The following ULK4 variants were observed in gnomAD, a reference collection of about 807,000 sequenced individuals.
ULK4 encodes the protein inactive serine/threonine-protein kinase ULK4.
ULK4 carries 133 observed loss-of-function variants against 160.6 expected under a neutral mutation model. The observed-to-expected ratio is 0.83, with a 90% CI of 0.72 to 0.96. The LOEUF (loss-of-function observed/expected upper bound fraction) is 0.96. ULK4 is among the 40% of genes least tolerant of loss of function. ULK4 has a pLI of 0.00. For synonymous variants in ULK4, 534 were observed against 539.8 expected (o/e 0.99, Z 0.15); for missense variants, 1,580 against 1,499.5 (o/e 1.05, Z -0.89).
At chr3:41,830,591 A>G (rs1335302321) in intron 18 of ULK4, among the ~76,000 whole-genome samples, 1 of 152,092 alleles carries the variant, frequency 6.6e-6, no homozygotes, top group Non-Finnish European at 1.5e-5. Flanking sequence ...TCTACCAATT[A>G]TATCTCAAGC....
At chr3:41,796,169 C>A (rs891229020) in intron 20 of ULK4, among the ~76,000 whole-genome samples, 1 of 151,912 alleles carries the variant, frequency 6.6e-6, no homozygotes, top group Non-Finnish European at 1.5e-5. Context: ...AGGCCTCCAG[C>A]GGGGAGTGAA....
chr3:41,354,592 A>G (rs1018828842), intron 35 of ULK4, among the ~76,000 whole-genome samples: 3 of 152,132 alleles, frequency 2.0e-5, no homozygotes, highest in Non-Finnish European at 2.9e-5. Flanking sequence ...AGGTAAGGAC[A>G]CAGTAGAGAA....
intron 35 of ULK4, among the ~76,000 whole-genome samples, chr3:41,364,958 A>C (rs2081226967): frequency 6.6e-6 from 1 of 152,210 alleles, no homozygotes; most frequent in Non-Finnish European, 1.5e-5. Context: ...TTCTGCAGGC[A>C]AGGGGTGGGG....
At chr3:41,577,952 C>T (rs1002761040) in intron 31 of ULK4, among the ~76,000 whole-genome samples, 4 of 152,208 alleles carry the variant, frequency 2.6e-5, no homozygotes, top group African/African-American at 2.4e-5. Context: ...CCTGGAGCTG[C>T]ACATTTGGTT....
intron 17 of ULK4, among the ~76,000 whole-genome samples, chr3:41,868,501 G>A (rs910887779): frequency 1.3e-5 from 2 of 151,752 alleles, no homozygotes; most frequent in African/African-American, 4.8e-5. Flanking sequence ...TTTTGTTTTT[G>A]TTTTGAGACG....
chr3:41,291,082 T>A (rs2079551921), intron 35 of ULK4, among the ~76,000 whole-genome samples: 1 of 152,112 alleles, frequency 6.6e-6, no homozygotes, highest in Non-Finnish European at 1.5e-5. Context: ...TGGTTCGCGG[T>A]GATCCTTGCA....
intron 30 of ULK4, among the ~76,000 whole-genome samples, chr3:41,633,941 T>A (rs2033849976): frequency 6.6e-6 from 1 of 152,176 alleles, no homozygotes; most frequent in African/African-American, 2.4e-5. Context: ...ACCTCTCACT[T>A]GATCCTTATT....
At chr3:41,583,655 C>G (rs1470431654) in intron 31 of ULK4, among the ~76,000 whole-genome samples, 1 of 152,178 alleles carries the variant, frequency 6.6e-6, no homozygotes, top group Non-Finnish European at 1.5e-5. Context: ...TCCCAGTCAC[C>G]TCACCTCCTC....
chr3:41,765,669 T>C (rs994761982), intron 21 of ULK4, among the ~76,000 whole-genome samples: 3 of 152,178 alleles, frequency 2.0e-5, no homozygotes, highest in Non-Finnish European at 4.4e-5. Flanking sequence ...TTAAATGATA[T>C]CCTTACTTTA....
chr3:41,861,117 T>C (rs1261229662), intron 17 of ULK4, among the ~76,000 whole-genome samples: 2 of 146,176 alleles, frequency 1.4e-5, no homozygotes, highest in African/African-American at 2.6e-5. Flanking sequence ...TCTTGAAAAA[T>C]TGATACAGTT....
At chr3:41,860,783 G>A (rs546063009) in intron 17 of ULK4, among the ~76,000 whole-genome samples, 1 of 149,356 alleles carries the variant, frequency 6.7e-6, no homozygotes, top group Non-Finnish European at 1.5e-5. Flanking sequence ...GTTGTTTTGT[G>A]ATCTTCTCTT....
chr3:41,761,895 G>A (rs1333033599), intron 21 of ULK4, among the ~76,000 whole-genome samples: 3 of 151,928 alleles, frequency 2.0e-5, no homozygotes, highest in Admixed American at 2.0e-4. Context: ...GGGCAACACA[G>A]CAAGACCTCT....
chr3:41,825,069 T>A (rs2041296151), intron 18 of ULK4, among the ~76,000 whole-genome samples: 1 of 152,172 alleles, frequency 6.6e-6, no homozygotes, highest in African/African-American at 2.4e-5. Context: ...GGAGTGGACC[T>A]CCAGCAAACT....
At chr3:41,462,643 A>G (rs2291757) in intron 33 of ULK4, among the ~76,000 whole-genome samples, 80,454 of 152,052 alleles carry the variant, frequency 0.53, 21,396 homozygotes, top group East Asian at 0.67. Context: ...TATGAGTTAC[A>G]TAGGTATGTA....
intron 1 of ULK4, among the ~76,000 whole-genome samples, chr3:41,955,063 G>C (rs1359055406): frequency 6.6e-6 from 1 of 152,224 alleles, no homozygotes; most frequent in African/African-American, 2.4e-5. Context: ...GGCCGAGGCA[G>C]GGGGATCACC....
intron 18 of ULK4, among the ~76,000 whole-genome samples, chr3:41,833,215 G>A (rs1384595693): frequency 2.0e-5 from 3 of 150,668 alleles, no homozygotes; most frequent in Admixed American, 6.6e-5. Context: ...CTTGAGCAAT[G>A]GTTTGTAATT....
rs1242925553 is a variant in ULK4 at position 41,284,447 on chromosome 3, TAC to T, written c.3679-34875_3679-34874del. ...AAACCCAGAAAAAAACCCAATTACT[TAC>T]AGTCAACTGATCTTCAACAAAGCAA... is the stretch of plus-strand genomic sequence containing the variant. On this transcript the variant is annotated intron_variant, in intron 35 of 36. Coordinates refer to ENST00000301831, the MANE Select transcript of ULK4 (RefSeq NM_017886.4). Among the ~76,000 whole-genome samples, 6 of 152,084 alleles carry T rather than the reference TAC, an allele frequency of 3.9e-5. No homozygotes were observed. The East Asian group carries it at 1.2e-3, about 29-fold the overall frequency.
At chr3:41,954,173 T>C (rs1438908243) in intron 2 of ULK4, among the ~76,000 whole-genome samples, 5 of 59,506 alleles carry the variant, frequency 8.4e-5, no homozygotes, top group Admixed American at 2.3e-4. Flanking sequence ...TGAGACTCCG[T>C]CTTAAAAAAA....
At chr3:41,808,983 T>A (rs1378090443) in intron 19 of ULK4, among the ~76,000 whole-genome samples, 1 of 152,006 alleles carries the variant, frequency 6.6e-6, no homozygotes, top group Non-Finnish European at 1.5e-5. Context: ...CTGACCAACA[T>A]GGTGAAACCC....
Sources: allele counts gnomAD v4.1 joint callset (sites outside exome capture counted in the v4.1 genomes callset), GRCh38; gene constraint gnomAD v4.1.1; transcripts MANE v1.5; gene names NCBI Gene and HGNC (gene_info 2026-07-23, HGNC 2026-07-21).